XIRP2: variants seen among roughly 807,000 people sequenced by gnomAD.
XIRP2 encodes the protein xin actin-binding repeat-containing protein 2.
In XIRP2, 236 loss-of-function variants were observed where a neutral mutation model predicts 277.0. That is an observed-to-expected ratio of 0.85 (90% CI 0.77 to 0.95). The LOEUF (loss-of-function observed/expected upper bound fraction) is 0.95. Ranked by LOEUF, XIRP2 falls within the 40% of genes least tolerant of loss-of-function variation. XIRP2 has a pLI of 0.00. For synonymous variants in XIRP2, 1,490 were observed against 1,416.5 expected, an observed-to-expected ratio of 1.05 and a Z score of -1.17; for missense variants, 4,640 against 4,157.5, an observed-to-expected ratio of 1.12 and a Z score of -3.19.
At position 167,243,802 on chromosome 2, in the gene XIRP2, G is replaced by A. The variant is rs868843427; in HGVS notation, c.2410G>A (p.Gly804Arg). The change falls in exon 9 of 11, where the codon GGG becomes AGG. Residue 804 changes from glycine (G) to arginine (R), a missense_variant. Transcript: ENST00000409195. ...GISMEENVKG[G>R]VSKAKWLFET... ...ATCCATGGAAGAAAATGTCAAAGGTGGGGTGAGTAAGGCAAAGTGGTTATT... is the reference window on the plus strand; with the variant it reads ...ATCCATGGAAGAAAATGTCAAAGGTAGGGTGAGTAAGGCAAAGTGGTTATT... The A allele has an allele frequency of 6.2e-7, 1 of 1,614,012 alleles. No homozygotes were observed. The highest frequency in any genetic ancestry group is 8.5e-7 in the Non-Finnish European group (1 of 1,179,964).
intron 3 of XIRP2, among the ~76,000 whole-genome samples, chr2:167,207,174 G>T (rs927633641): frequency 2.6e-5 from 4 of 152,064 alleles, no homozygotes; most frequent in African/African-American, 9.7e-5. Flanking sequence ...TCTTAATGTT[G>T]TAAGAACATA....
chr2:167,066,769 G>A (rs934496173), intron 2 of XIRP2, among the ~76,000 whole-genome samples: 16 of 151,966 alleles, frequency 1.1e-4, no homozygotes, highest in African/African-American at 3.4e-4. Context: ...AAGAAAATGT[G>A]GCATATACAC....
At chr2:166,904,001 C>A (rs1168115080) in intron 2 of XIRP2, 111 bp downstream of exon 2, 6 of 1,281,222 alleles carry the variant, frequency 4.7e-6, no homozygotes, top group Non-Finnish European at 6.4e-6. Context: ...AGACAGATGT[C>A]CTGAAGCCGA....
chr2:167,084,841 T>C (rs1232066913), intron 2 of XIRP2, among the ~76,000 whole-genome samples: 1 of 151,504 alleles, frequency 6.6e-6, no homozygotes, highest in Non-Finnish European at 1.5e-5. Context: ...TTTTTTTCTT[T>C]ATTAGTCTTG....
chr2:167,200,326 G>A (rs74742871), intron 3 of XIRP2, among the ~76,000 whole-genome samples: 2,014 of 152,316 alleles, frequency 0.013, 42 homozygotes, highest in African/African-American at 0.046. Context: ...ACTGTGCCGA[G>A]CCTATTTCTC....
intron 2 of XIRP2, among the ~76,000 whole-genome samples, chr2:166,910,107 C>T (rs1269015811): frequency 1.3e-5 from 2 of 152,140 alleles, no homozygotes; most frequent in Non-Finnish European, 2.9e-5. Flanking sequence ...ACTTTGGTAT[C>T]GCGATGATGC....
intron 2 of XIRP2, among the ~76,000 whole-genome samples, chr2:166,987,778 A>T (rs1687045999): frequency 6.6e-6 from 1 of 152,214 alleles, no homozygotes; most frequent in Non-Finnish European, 1.5e-5. Context: ...TACTTGAAGG[A>T]GTTCTCAATG....
At chr2:166,997,712 C>G (rs373191807) in intron 2 of XIRP2, among the ~76,000 whole-genome samples, 41 of 152,176 alleles carry the variant, frequency 2.7e-4, no homozygotes, top group African/African-American at 9.4e-4. Context: ...CAAGACCATC[C>G]TGGCCAACAT....
rs1691535042 is a variant in XIRP2, at chr2:167,135,934, G to T, written c.434G>T (p.Cys145Phe). Reference sequence around the variant, plus strand: ...GAAGTGGAAATTGAGCGAAGTTTGTGCTCGCCAGCTTTTAAGAGTCACCCT... The same window carrying T: ...GAAGTGGAAATTGAGCGAAGTTTGTTCTCGCCAGCTTTTAAGAGTCACCCT... ...GKEVEIERSL[C>F]SPAFKSHPGS... is the part of the protein sequence containing the mutation. The change falls in exon 3 of 11, where the codon TGC becomes TTC. Residue 145 changes from cysteine to phenylalanine, a missense_variant. Cys to Phe is a radical substitution (Grantham distance 205). Transcript: ENST00000409195. 2 of 1,602,348 alleles carry T rather than the reference G, an allele frequency of 1.2e-6. No individual in the cohort carries two copies. The highest frequency in any genetic ancestry group is 1.1e-5 in the South Asian group (1 of 89,410).
At chr2:166,923,734 T>C (rs1386696183) in intron 2 of XIRP2, among the ~76,000 whole-genome samples, 1 of 152,138 alleles carries the variant, frequency 6.6e-6, no homozygotes, top group Non-Finnish European at 1.5e-5. Flanking sequence ...GCAGTTTTTT[T>C]CTACTGTCAG....
chr2:167,197,505 A>C (rs1015206294), intron 3 of XIRP2, among the ~76,000 whole-genome samples: 5 of 152,150 alleles, frequency 3.3e-5, no homozygotes, highest in Non-Finnish European at 7.3e-5. Flanking sequence ...GGTGATCTAG[A>C]AATTTTAGTT....
At chr2:167,074,853 G>C (rs1224277490) in intron 2 of XIRP2, among the ~76,000 whole-genome samples, 2 of 152,112 alleles carry the variant, frequency 1.3e-5, no homozygotes, top group African/African-American at 4.8e-5. Context: ...TCAAACTCCT[G>C]AGCTCAGATC....
chr2:166,950,838 A>G (rs193179879), intron 2 of XIRP2, among the ~76,000 whole-genome samples: 1 of 152,174 alleles, frequency 6.6e-6, no homozygotes, highest in African/African-American at 2.4e-5. Flanking sequence ...ATTCAAATAG[A>G]TAGACAGTAC....
intron 2 of XIRP2, among the ~76,000 whole-genome samples, chr2:167,065,557 G>C (rs1456502497): frequency 6.6e-6 from 1 of 151,416 alleles, no homozygotes; most frequent in African/African-American, 2.4e-5. Context: ...TGCTGTTATT[G>C]CTTGTGTTCT....
chr2:166,910,660 G>A (rs1684676133), intron 2 of XIRP2, among the ~76,000 whole-genome samples: 1 of 152,062 alleles, frequency 6.6e-6, no homozygotes, highest in Non-Finnish European at 1.5e-5. Context: ...GCTAGCTTTT[G>A]AATGTGTTTG....
rs746214292 is a variant in XIRP2, at chr2:167,241,866, C to T, written c.1132C>T (p.Leu378Phe). 24 of 1,613,134 alleles carry T rather than the reference C, an allele frequency of 1.5e-5. No individual in the cohort carries two copies. The highest frequency in any genetic ancestry group is 5.1e-6 in the Non-Finnish European group (6 of 1,179,580). The change falls in exon 8 of 11, where the codon CTT becomes TTT. Residue 378 changes from leucine to phenylalanine, a missense_variant. Leu to Phe is a conservative substitution (Grantham distance 22). Transcript: ENST00000409195. ...TGAAAAGTCTGCCCAGGAAAAGATC[C>T]TTTATTCTGACAAAGAGATGACAAC... is the stretch of plus-strand genomic sequence containing the variant. The part of the protein sequence containing the change: ...QFEKSAQEKI[L>F]YSDKEMTTPA...
chr2:166,988,601 T>G (rs1286640823), intron 2 of XIRP2, among the ~76,000 whole-genome samples: 2 of 129,934 alleles, frequency 1.5e-5, no homozygotes, highest in Non-Finnish European at 1.6e-5. Flanking sequence ...CAGGCCAGTG[T>G]GTGTGCGCAC....
chr2:166,988,064 C>A (rs188432773), intron 2 of XIRP2, among the ~76,000 whole-genome samples: 30 of 152,236 alleles, frequency 2.0e-4, no homozygotes, highest in South Asian at 4.1e-4. Flanking sequence ...ACAAATAGGA[C>A]ATTTGCATAA....
Position 167,250,209 on chromosome 2 carries a change from A to C in XIRP2, c.8817A>C (p.Lys2939Asn). 6.2e-7 allele frequency: 1 copy of C among 1,613,558 alleles called. No individual in the cohort carries two copies. Among genetic ancestry groups the C allele is most frequent in the East Asian group, 2.2e-5 (1 of 44,818 alleles). Residue 2939 changes from lysine (K) to asparagine (N), a missense_variant, in exon 9 of 11, where the codon AAA becomes AAC. Coordinates refer to ENST00000409195, the MANE Select transcript of XIRP2 (RefSeq NM_152381.6). ...SVKESQRDDGKGALNIVEFLR... is the reference protein window; with the variant it reads ...SVKESQRDDGNGALNIVEFLR... ...AAGAATCCCAGCGGGATGATGGAAA[A>C]GGTGCCTTAAATATAGTGGAATTCT...
Sources: gnomAD v4.1 joint callset for allele counts (sites outside exome capture counted in the v4.1 genomes callset) on GRCh38, gnomAD v4.1.1 for gene constraint, MANE v1.5 for transcripts, NCBI Gene and HGNC (gene_info 2026-07-23, HGNC 2026-07-21) for gene names.